The following LGSN variants were observed in gnomAD, a reference collection of about 807,000 sequenced individuals.
The protein encoded by LGSN is lengsin.
A neutral mutation model predicts 19.5 loss-of-function variants in LGSN; 21 were observed. The observed-to-expected ratio is 1.07, with a 90% confidence interval of 0.76 to 1.55. The LOEUF (loss-of-function observed/expected upper bound fraction) is 1.55. Ranked by LOEUF, LGSN falls within the 40% of genes most tolerant of loss-of-function variation. The probability of loss-of-function intolerance (pLI) is 0.00; values close to 1 mark genes in which losing one functional copy is unlikely to be tolerated. For synonymous variants in LGSN, 257 were observed against 215.6 expected (o/e 1.19, Z -1.68); for missense variants, 673 against 608.5 (o/e 1.11, Z -1.12).
chr6:63,302,884 TG>T (rs1768240471), intron 1 of LGSN, among the ~76,000 whole-genome samples: 1 of 152,076 alleles, frequency 6.6e-6, no homozygotes, highest in South Asian at 2.1e-4. Flanking sequence ...CTCAGCACTT[TG>T]GGATGCCGAG....
chr6:63,319,990 A>C (rs763745558), upstream of LGSN: 11 of 1,391,548 alleles, frequency 7.9e-6, 1 homozygote, highest in South Asian at 1.3e-4. Flanking sequence ...TATCCTCAAC[A>C]AATGCATTCA....
the LGSN span, among the ~76,000 whole-genome samples, chr6:63,451,684 C>A: frequency 2.0e-5 from 3 of 151,800 alleles, no homozygotes; most frequent in Non-Finnish European, 4.4e-5. Flanking sequence ...ATAATCTGTA[C>A]AACAAACCCC....
intron 1 of LGSN, 109 bp downstream of exon 1, chr6:63,319,805 G>A: frequency 3.9e-6 from 3 of 763,820 alleles, no homozygotes; most frequent in South Asian, 1.4e-5. Context: ...CATATAACAA[G>A]TATAATTATG....
chr6:63,549,128 G>T, the LGSN span: 1 of 686,522 alleles, frequency 1.5e-6, no homozygotes, highest in Admixed American at 2.2e-5. Flanking sequence ...TAGTGGGGAT[G>T]CCCCCTTTGC....
chr6:63,534,967 G>A, the LGSN span, among the ~76,000 whole-genome samples: 3 of 152,114 alleles, frequency 2.0e-5, no homozygotes, highest in East Asian at 5.8e-4. Flanking sequence ...AGCTGAGGCA[G>A]GAGAATTGCT....
At chr6:63,518,121 T>C in the LGSN span, among the ~76,000 whole-genome samples, 4 of 130,914 alleles carry the variant, frequency 3.1e-5, no homozygotes, top group Non-Finnish European at 6.1e-5. Flanking sequence ...CATATCGCAC[T>C]CCAGCCTGGG....
At chr6:63,281,327 AT>A (rs1290435191) in intron 3 of LGSN, 107 bp from the exon 4 acceptor site, 23 of 169,256 alleles carry the variant, frequency 1.4e-4, no homozygotes, top group African/African-American at 4.9e-4. Flanking sequence ...ATATATATAT[AT>A]ATAATAAATA....
intron 1 of LGSN, among the ~76,000 whole-genome samples, chr6:63,310,056 C>A (rs752617764): frequency 6.6e-6 from 1 of 152,210 alleles, no homozygotes; most frequent in Non-Finnish European, 1.5e-5. Flanking sequence ...ATCTCTCCAG[C>A]CTTCACAGCT....
At chr6:63,398,211 A>G in the LGSN span, among the ~76,000 whole-genome samples, 3 of 122,052 alleles carry the variant, frequency 2.5e-5, no homozygotes, top group Non-Finnish European at 4.8e-5. Context: ...ATTTACTAAA[A>G]AAAAAAAAAA....
At chr6:63,573,386 A>C in the LGSN span, 1 of 152,434 alleles carries the variant, frequency 6.6e-6, no homozygotes, top group South Asian at 2.1e-4. Context: ...CGGGACAGCC[A>C]CTGGGTGCAG....
At chr6:63,321,577 C>A (rs1019883942), upstream of LGSN, among the ~76,000 whole-genome samples, 1 of 151,956 alleles carries the variant, frequency 6.6e-6, no homozygotes, top group Admixed American at 6.6e-5. Flanking sequence ...TTTATAATAT[C>A]CTTTCCTGAA....
At chr6:63,470,003 A>G in the LGSN span, among the ~76,000 whole-genome samples, 2 of 152,142 alleles carry the variant, frequency 1.3e-5, no homozygotes, top group Non-Finnish European at 2.9e-5. Flanking sequence ...GGCGTGAGCC[A>G]CTGCGCCTGG....
chr6:63,472,569 C>T, the LGSN span, among the ~76,000 whole-genome samples: 1 of 152,138 alleles, frequency 6.6e-6, no homozygotes, highest in Non-Finnish European at 1.5e-5. Flanking sequence ...ACATAGATAT[C>T]TACAACCACT....
chr6:63,424,339 A>T, the LGSN span, among the ~76,000 whole-genome samples: 2 of 152,078 alleles, frequency 1.3e-5, no homozygotes, highest in Admixed American at 1.3e-4. Flanking sequence ...TAATTTTAAG[A>T]CTCTCATAAA....
chr6:63,330,807 G>T, the LGSN span, among the ~76,000 whole-genome samples: 1 of 152,178 alleles, frequency 6.6e-6, no homozygotes, highest in Non-Finnish European at 1.5e-5. Context: ...AAGCTACCAT[G>T]TATCTCCAAA....
intron 1 of LGSN, among the ~76,000 whole-genome samples, chr6:63,309,832 C>T (rs1030186496): frequency 2.6e-5 from 4 of 152,120 alleles, no homozygotes; most frequent in African/African-American, 9.7e-5. Flanking sequence ...ATTTTGTATT[C>T]TTTGACCAAC....
At chr6:63,294,476 G>A (rs1340512728) in intron 2 of LGSN, among the ~76,000 whole-genome samples, 2 of 152,188 alleles carry the variant, frequency 1.3e-5, no homozygotes, top group East Asian at 3.9e-4. Flanking sequence ...TGAGCCTGTT[G>A]CCCAAATTAA....
the LGSN span, chr6:63,528,113 C>G: frequency 6.6e-6 from 1 of 152,164 alleles, no homozygotes; most frequent in Non-Finnish European, 1.5e-5. Context: ...CTTCCCCTAC[C>G]TTCTCATCTT....
chr6:63,542,714 C>T, the LGSN span, among the ~76,000 whole-genome samples: 5 of 152,134 alleles, frequency 3.3e-5, no homozygotes, highest in South Asian at 4.1e-4. Flanking sequence ...TCACCGACTG[C>T]TTTTTTGAAA....
Sources: allele counts gnomAD v4.1 joint callset (sites outside exome capture counted in the v4.1 genomes callset), GRCh38; gene constraint gnomAD v4.1.1; transcripts MANE v1.5; gene names NCBI Gene and HGNC (gene_info 2026-07-23, HGNC 2026-07-21).